SLC4A5: variants seen among roughly 807,000 people sequenced by gnomAD.
SLC4A5 encodes solute carrier family 4 member 5.
Under a neutral mutation model 120.4 loss-of-function variants are expected in SLC4A5, and 96 were observed. That is an observed-to-expected ratio of 0.80 (90% CI 0.68 to 0.94). The LOEUF is 0.94. SLC4A5 is among the 40% of genes least tolerant of loss of function. The pLI, the probability that SLC4A5 is intolerant of heterozygous loss-of-function variation, is 0.00. For missense variants in SLC4A5, 1,259 were observed against 1,459.5 expected, an observed-to-expected ratio of 0.86 and a Z score of 2.24; for synonymous variants, 550 against 571.1, an observed-to-expected ratio of 0.96 and a Z score of 0.53.
At chr2:74,324,120 T>G (rs909422850) in intron 5 of SLC4A5, among the ~76,000 whole-genome samples, 3 of 152,256 alleles carry the variant, frequency 2.0e-5, no homozygotes, top group Non-Finnish European at 4.4e-5. Context: ...ATGTGATAAT[T>G]GTATCCTTGA....
At chr2:74,290,490 A>T in intron 7 of SLC4A5, 1 of 985,218 alleles carries the variant, frequency 1.0e-6, no homozygotes, top group Non-Finnish European at 1.2e-6. Context: ...GAGAGAGGCT[A>T]TATGTAGAGA....
At chr2:74,229,033 G>A (rs1157954532) in intron 25 of SLC4A5, among the ~76,000 whole-genome samples, 1 of 149,370 alleles carries the variant, frequency 6.7e-6, no homozygotes, top group Non-Finnish European at 1.5e-5. Flanking sequence ...AGAGCACAGA[G>A]CACTATGCCA....
rs192508202 is a variant in SLC4A5 at position 74,239,132 on chromosome 2, A to G, written c.2319+203T>C. On this transcript the variant is annotated intron_variant, in intron 21 of 30. Transcript: ENST00000394019. The stretch of plus-strand genomic sequence containing the variant: ...CAATGAGATACTACTATAGACAAAG[A>G]CTAAAGATAAAAGCCTGACAATACC... Among the ~76,000 whole-genome samples, 55 of 152,370 alleles carry G rather than the reference A, an allele frequency of 3.6e-4. 2 individuals are homozygous for G. The highest frequency in any genetic ancestry group is 1.2e-3 in the African/African-American group (50 of 41,588).
At chr2:74,221,492 G>C in exon 30 of SLC4A5, 1 of 1,614,202 alleles carries the variant, frequency 6.2e-7, no homozygotes, top group Non-Finnish European at 8.5e-7. Context: ...CCAACTGGAA[G>C]ATCTTTTTCC....
intron 12 of SLC4A5, among the ~76,000 whole-genome samples, chr2:74,257,209 A>G (rs540741372): frequency 6.6e-6 from 1 of 152,130 alleles, no homozygotes; most frequent in East Asian, 1.9e-4. Flanking sequence ...GCTCGTGAGC[A>G]ATGGCACTAC....
chr2:74,279,750 A>C (rs1671750426), intron 8 of SLC4A5, among the ~76,000 whole-genome samples: 1 of 152,228 alleles, frequency 6.6e-6, no homozygotes. Flanking sequence ...ATCCAATGTA[A>C]TAAAACTTTA....
At chr2:74,218,468 A>T (rs746710994) in exon 31 of SLC4A5, 1 of 152,244 alleles carries the variant, frequency 6.6e-6, no homozygotes, top group Non-Finnish European at 1.5e-5. Flanking sequence ...AGAGCTTTGC[A>T]TCTAAGCAAT....
chr2:74,224,882 C>T, exon 28 of SLC4A5: 1 of 1,613,992 alleles, frequency 6.2e-7, no homozygotes, highest in Non-Finnish European at 8.5e-7. Context: ...TTCTCTTCCT[C>T]TTCTTGTCTG....
At chr2:74,241,939 C>T (rs1670461662) in intron 20 of SLC4A5, 55 bp downstream of exon 20, 3 of 1,546,684 alleles carry the variant, frequency 1.9e-6, no homozygotes, top group African/African-American at 1.4e-5. Flanking sequence ...ATCTTTTCTC[C>T]CTCCTCCTAC....
At chr2:74,317,164 G>T (rs940019360) in intron 5 of SLC4A5, among the ~76,000 whole-genome samples, 1 of 152,050 alleles carries the variant, frequency 6.6e-6, no homozygotes, top group Non-Finnish European at 1.5e-5. Context: ...TAACCCTGAG[G>T]CTATGGTTCC....
intron 6 of SLC4A5, chr2:74,307,564 T>C (rs9789404): frequency 0.17 from 111,320 of 659,830 alleles, 14,304 homozygotes; most frequent in East Asian, 0.51. Context: ...ATCTGCACAA[T>C]GTGGGCATTG....
intron 8 of SLC4A5, among the ~76,000 whole-genome samples, chr2:74,273,679 GT>G (rs1229116756): frequency 6.6e-6 from 1 of 152,172 alleles, no homozygotes; most frequent in Non-Finnish European, 1.5e-5. Context: ...ATCCAGCAAA[GT>G]TTTTTAACTT....
At chr2:74,226,860 G>A in intron 27 of SLC4A5, 97 bp downstream of exon 27, 1 of 1,414,808 alleles carries the variant, frequency 7.1e-7, no homozygotes, top group Non-Finnish European at 9.7e-7. Flanking sequence ...ACAGCTGACA[G>A]GAAGGCAGAA....
At chr2:74,310,418 T>G (rs1181054657) in intron 6 of SLC4A5, among the ~76,000 whole-genome samples, 1 of 152,218 alleles carries the variant, frequency 6.6e-6, no homozygotes, top group Non-Finnish European at 1.5e-5. Context: ...TCATTAAGTA[T>G]GATGTTAGCT....
chr2:74,237,650 G>A (rs1670309724), intron 21 of SLC4A5, among the ~76,000 whole-genome samples: 1 of 152,228 alleles, frequency 6.6e-6, no homozygotes, highest in South Asian at 2.1e-4. Context: ...TAGTTAAGAT[G>A]GCTTTAGGAG....
intron 6 of SLC4A5, among the ~76,000 whole-genome samples, chr2:74,313,302 A>G (rs1287692584): frequency 6.6e-6 from 1 of 152,226 alleles, no homozygotes; most frequent in Non-Finnish European, 1.5e-5. Flanking sequence ...ATATACAGTT[A>G]GAACTAATCT....
At chr2:74,317,911 T>G (rs1210683767) in intron 5 of SLC4A5, among the ~76,000 whole-genome samples, 1 of 151,940 alleles carries the variant, frequency 6.6e-6, no homozygotes. Flanking sequence ...CTTCAAAACA[T>G]GAACAGCCAG....
At position 74,241,920 on chromosome 2, in the gene SLC4A5, A is replaced by G. The variant is rs1313363382; in HGVS notation, c.2118+74T>C. On this transcript the variant is annotated intron_variant, in intron 20 of 30. Transcript: ENST00000394019. ...GTCTGGGAGGCCATAAGTTGGTCTCATTTCCAAAATCTTTTCTCCCTCCTC... is the reference window on the plus strand; with the variant it reads ...GTCTGGGAGGCCATAAGTTGGTCTCGTTTCCAAAATCTTTTCTCCCTCCTC... 3 of 1,474,094 alleles carry G rather than the reference A, an allele frequency of 2.0e-6. No homozygotes were observed. In the African/African-American group the frequency reaches 4.2e-5, roughly 21 times the overall value. 91.3% of individuals were successfully genotyped at this position (1,474,094 alleles called of 1,614,324 possible).
chr2:74,307,610 C>G (rs747576143), intron 6 of SLC4A5: 53 of 814,462 alleles, frequency 6.5e-5, no homozygotes, highest in Middle Eastern at 2.4e-4. Flanking sequence ...CGCTCATGTC[C>G]TCAATGGTCT....
Sources: allele counts gnomAD v4.1 joint callset (sites outside exome capture counted in the v4.1 genomes callset), GRCh38; gene constraint gnomAD v4.1.1; transcripts MANE v1.5; gene names NCBI Gene and HGNC (gene_info 2026-07-23, HGNC 2026-07-21).